Variants in NCOA1 observed in about 807,000 individuals in gnomAD.
The protein encoded by NCOA1 is Hin-2 protein.
NCOA1 carries 35 observed loss-of-function variants against 150.9 expected under a neutral mutation model. That is an observed-to-expected ratio of 0.23 (90% CI 0.18 to 0.31). The LOEUF (loss-of-function observed/expected upper bound fraction) is 0.31. NCOA1 is among the 10% of genes least tolerant of loss of function. The pLI is 1.00. For synonymous variants in NCOA1, 590 were observed against 630.0 expected (o/e 0.94, Z 0.95); for missense variants, 1,491 against 1,749.3 (o/e 0.85, Z 2.63).
At chr2:24,568,081 A>G (rs1289999315) in intron 2 of NCOA1, among the ~76,000 whole-genome samples, 1 of 152,146 alleles carries the variant, frequency 6.6e-6, no homozygotes, top group Non-Finnish European at 1.5e-5. Context: ...TGTTTTTCAA[A>G]TGTTCACAGA....
intron 4 of NCOA1, among the ~76,000 whole-genome samples, chr2:24,652,273 T>C (rs1239776028): frequency 6.6e-6 from 1 of 152,088 alleles, no homozygotes; most frequent in Admixed American, 6.6e-5. Flanking sequence ...GTCATTGAAA[T>C]GAACAGCTAA....
At chr2:24,741,673 A>T in intron 18 of NCOA1, 111 bp from the exon 19 acceptor site, 1 of 1,190,006 alleles carries the variant, frequency 8.4e-7, no homozygotes, top group Non-Finnish European at 1.2e-6. Flanking sequence ...GTACAGTGAT[A>T]ATTGCTATGT....
chr2:24,747,327 C>CTTTTTTTTTTTTTTTTTTTTTTCTTT (rs148901218), intron 19 of NCOA1, among the ~76,000 whole-genome samples: 1 of 120,170 alleles, frequency 8.3e-6, no homozygotes, highest in Admixed American at 9.0e-5. Flanking sequence ...TTATTTTTCT[C>CTTTTTTTTTTTTTTTTTTTTTTCTTT]TTTTTTTTTT....
intron 3 of NCOA1, among the ~76,000 whole-genome samples, chr2:24,639,916 GTATATATA>G (rs67632791): frequency 0.011 from 326 of 29,630 alleles, 10 homozygotes; most frequent in African/African-American, 0.015. Context: ...ATGTGTGTGT[GTATATATA>G]TATATATATA....
intron 3 of NCOA1, among the ~76,000 whole-genome samples, chr2:24,613,045 T>C (rs759026478): frequency 3.3e-5 from 5 of 152,152 alleles, no homozygotes; most frequent in Non-Finnish European, 5.9e-5. Context: ...TTCATGCAGG[T>C]AGGATTTTTT....
intron 1 of NCOA1, among the ~76,000 whole-genome samples, chr2:24,539,485 T>C (rs569014348): frequency 2.0e-5 from 3 of 152,022 alleles, no homozygotes; most frequent in Non-Finnish European, 4.4e-5. Flanking sequence ...ATCAATTAGA[T>C]CATAGAGGGC....
chr2:24,739,436 T>C lies in NCOA1; in HGVS notation c.3206T>C (p.Ile1069Thr), dbSNP rs1303476017. 6.2e-7 allele frequency: 1 copy of C among 1,612,002 alleles called. No homozygotes were observed. Among genetic ancestry groups the C allele is most frequent in the East Asian group, 2.2e-5 (1 of 44,866 alleles). ...QQRLQGQQQL[I>T]HQNRQAILNQ... is the part of the protein sequence containing the mutation. ...ATTGTTTCCATTTTTCTCTAGTTGA[T>C]ACACCAAAATCGGCAAGCTATCTTA... Residue 1069 changes from isoleucine (I) to threonine (T), a missense_variant, in exon 18 of 23, where the codon ATA (isoleucine) becomes ACA (threonine). Coordinates refer to ENST00000348332, the MANE Select transcript of NCOA1 (RefSeq NM_003743.5).
chr2:24,532,982 T>C (rs1338219709), intron 1 of NCOA1, among the ~76,000 whole-genome samples: 16 of 152,238 alleles, frequency 1.1e-4, no homozygotes, highest in Non-Finnish European at 2.9e-5. Context: ...TTTCCAATTC[T>C]GTGAAGAAAG....
At chr2:24,704,759 T>C (rs1220709132) in intron 11 of NCOA1, among the ~76,000 whole-genome samples, 1 of 150,722 alleles carries the variant, frequency 6.6e-6, no homozygotes, top group Non-Finnish European at 1.5e-5. Flanking sequence ...GGCGACAGAG[T>C]GAGACTCTGT....
intron 6 of NCOA1, 148 bp from the exon 7 acceptor site, chr2:24,673,218 G>A: frequency 2.1e-6 from 1 of 481,968 alleles, no homozygotes; most frequent in Non-Finnish European, 3.7e-6. Context: ...CATAAAATGA[G>A]TATAATTAAG....
chr2:24,598,592 C>A (rs1032053826), intron 3 of NCOA1, among the ~76,000 whole-genome samples: 13 of 151,888 alleles, frequency 8.6e-5, no homozygotes, highest in African/African-American at 3.1e-4. Context: ...GTACCACAGG[C>A]CTTATGAGAG....
chr2:24,651,766 T>C (rs1019644922), intron 4 of NCOA1, among the ~76,000 whole-genome samples: 1 of 151,960 alleles, frequency 6.6e-6, no homozygotes, highest in Non-Finnish European at 1.5e-5. Flanking sequence ...AAATGGCCAA[T>C]GAGTGCAAGA....
intron 1 of NCOA1, among the ~76,000 whole-genome samples, chr2:24,536,356 C>CT: frequency 6.6e-6 from 1 of 152,110 alleles, no homozygotes; most frequent in East Asian, 1.9e-4. Flanking sequence ...TTCGCCTAAC[C>CT]TTTTTTCAAG....
intron 7 of NCOA1, among the ~76,000 whole-genome samples, chr2:24,675,893 T>C (rs1260533495): frequency 1.3e-5 from 2 of 151,954 alleles, no homozygotes; most frequent in Non-Finnish European, 2.9e-5. Flanking sequence ...TCAAAATAAA[T>C]AAATTAATAA....
At chr2:24,638,955 C>T (rs1420981946) in intron 3 of NCOA1, among the ~76,000 whole-genome samples, 2 of 152,092 alleles carry the variant, frequency 1.3e-5, no homozygotes, top group Non-Finnish European at 2.9e-5. Flanking sequence ...TTACATTCCT[C>T]GGATATACCA....
intron 19 of NCOA1, among the ~76,000 whole-genome samples, chr2:24,747,228 G>C (rs1293669247): frequency 6.6e-6 from 1 of 151,266 alleles, no homozygotes; most frequent in Non-Finnish European, 1.5e-5. Context: ...TCTTGTACTT[G>C]GAGTCTCTTA....
At position 24,578,964 on chromosome 2, in the gene NCOA1, G is replaced by C. The variant is rs1257742183; in HGVS notation, c.-259-5512G>C. Among the ~76,000 whole-genome samples the C allele has an allele frequency of 2.0e-5, 3 of 152,064 alleles. No individual in the cohort carries two copies. The East Asian group carries it at 5.8e-4, about 29-fold the overall frequency. ...TATAAGTGTTAGCACTGTGACAACT[G>C]GGACTGTATCTTTTTTTGTTCTCTG... On this transcript the variant is annotated intron_variant, in intron 2 of 22. Coordinates refer to ENST00000348332, the MANE Select transcript of NCOA1 (RefSeq NM_003743.5).
intron 3 of NCOA1, among the ~76,000 whole-genome samples, chr2:24,604,897 ATT>A (rs2148366732): frequency 6.6e-6 from 1 of 152,242 alleles, no homozygotes; most frequent in African/African-American, 2.4e-5. Flanking sequence ...AAGCTTAATC[ATT>A]TCTAGCTTTT....
chr2:24,637,243 C>G (rs1252028441), intron 3 of NCOA1, among the ~76,000 whole-genome samples: 1 of 116,254 alleles, frequency 8.6e-6, no homozygotes, highest in Non-Finnish European at 1.7e-5. Flanking sequence ...TCCCCCCACC[C>G]CACAACAGTC....
Sources: gnomAD v4.1 joint callset for allele counts (sites outside exome capture counted in the v4.1 genomes callset) on GRCh38, gnomAD v4.1.1 for gene constraint, MANE v1.5 for transcripts, NCBI Gene and HGNC (gene_info 2026-07-23, HGNC 2026-07-21) for gene names.